Variants in CISD1 observed in about 807,000 individuals in gnomAD.
CISD1 encodes CDGSH iron-sulfur domain-containing protein 1.
Under a neutral mutation model 12.0 loss-of-function variants are expected in CISD1, and 8 were observed. The ratio of observed to expected loss-of-function variants is 0.67; its 90% CI spans 0.39 to 1.20. The LOEUF is 1.20. Ranked by LOEUF, CISD1 falls within the 50% of genes most tolerant of loss-of-function variation. CISD1 has a pLI of 0.01. For missense variants in CISD1, 107 were observed against 132.7 expected, an observed-to-expected ratio of 0.81 and a Z score of 0.95; for synonymous variants, 38 against 42.2, an observed-to-expected ratio of 0.90 and a Z score of 0.39.
rs1410113094 is a variant in CISD1 at position 58,269,179 on chromosome 10, G to A, written c.-95G>A. The stretch of plus-strand genomic sequence containing the variant: ...TGCGCGGTAGCATCGCGGAGTCGGT[G>A]CTTTAGTACGCCGCTGGCACCTTTA... On this transcript the variant is annotated 5_prime_UTR_variant, in exon 1 of 3. Coordinates refer to ENST00000333926, the MANE Select transcript of CISD1 (RefSeq NM_018464.5). The A allele has an allele frequency of 3.7e-6, 5 of 1,355,544 alleles. No homozygotes were observed. The highest frequency in any genetic ancestry group is 2.3e-5 in the East Asian group (1 of 43,420). 84.0% of individuals were successfully genotyped at this position (1,355,544 alleles called of 1,614,324 possible). A position where few individuals can be genotyped will look rare whatever the true frequency, so the allele number is the denominator to read the frequency against.
At chr10:58,278,723 A>T (rs1839342480) in intron 2 of CISD1, among the ~76,000 whole-genome samples, 2 of 152,204 alleles carry the variant, frequency 1.3e-5, no homozygotes, top group South Asian at 4.1e-4. Context: ...CAGGTTGAGC[A>T]TCTCTAATCC....
Position 58,277,302 on chromosome 10 carries a change from CGTT to C in CISD1, c.222_224del (p.Cys74del). The C allele has an allele frequency of 6.3e-7, 1 of 1,589,038 alleles. No homozygotes were observed. Among genetic ancestry groups the C allele is most frequent in the Admixed American group, 1.8e-5 (1 of 54,922 alleles). On this transcript the variant is annotated inframe_deletion, in exon 2 of 3. Coordinates refer to ENST00000333926, the MANE Select transcript of CISD1 (RefSeq NM_018464.5). Reference sequence around the variant, plus strand: ...TTTGGGAGATAAAGCTGTGTACTGCCGTTGTTGGAGGTCCAAAAAGGTGAGGAA... The same window carrying C: ...TTTGGGAGATAAAGCTGTGTACTGCCGTTGGAGGTCCAAAAAGGTGAGGAA...
At chr10:58,271,550 T>G in intron 1 of CISD1, among the ~76,000 whole-genome samples, 1 of 152,204 alleles carries the variant, frequency 6.6e-6, no homozygotes, top group South Asian at 2.1e-4. Flanking sequence ...TAAACCAAGT[T>G]TATTCCTACA....
intron 2 of CISD1, among the ~76,000 whole-genome samples, chr10:58,278,269 G>A (rs1839337530): frequency 6.6e-6 from 1 of 152,172 alleles, no homozygotes; most frequent in South Asian, 2.1e-4. Context: ...AGGGCGTGGT[G>A]TCTCACACCT....
At chr10:58,282,974 G>A (rs1180148508) in intron 2 of CISD1, 1 of 152,166 alleles carries the variant, frequency 6.6e-6, no homozygotes, top group Non-Finnish European at 1.5e-5. Context: ...AAAGAATACA[G>A]ACTAAGAAGA....
chr10:58,274,470 T>C (rs1191650262), intron 1 of CISD1, among the ~76,000 whole-genome samples: 1 of 146,508 alleles, frequency 6.8e-6, no homozygotes, highest in Non-Finnish European at 1.5e-5. Flanking sequence ...TTTTTTTACT[T>C]CTGGGAACTG....
rs751391223 is a variant in CISD1, at chr10:58,277,106, C to T, written c.32-11C>T. The T allele has an allele frequency of 1.3e-6, 2 of 1,561,306 alleles. No homozygotes were observed. The highest frequency in any genetic ancestry group is 1.7e-6 in the Non-Finnish European group (2 of 1,152,214). On this transcript the variant is annotated splice_polypyrimidine_tract_variant and intron_variant, in intron 1 of 2. Transcript: ENST00000333926. The stretch of plus-strand genomic sequence containing the variant: ...GTTTTGATAATTATTTGTTTTCCTT[C>T]CCTGCTCTAGTTGAATGGATCGCAG...
chr10:58,271,573 A>G (rs938081025), intron 1 of CISD1, among the ~76,000 whole-genome samples: 1 of 152,222 alleles, frequency 6.6e-6, no homozygotes. Flanking sequence ...TTGAAAATCA[A>G]TTTAGATCTT....
chr10:58,270,268 C>A (rs945972973), intron 1 of CISD1, among the ~76,000 whole-genome samples: 1 of 152,142 alleles, frequency 6.6e-6, no homozygotes, highest in Admixed American at 6.5e-5. Context: ...TTGGAGAGTT[C>A]CACTTCTGTT....
chr10:58,274,936 G>A (rs549306865), intron 1 of CISD1, among the ~76,000 whole-genome samples: 21 of 152,260 alleles, frequency 1.4e-4, no homozygotes, highest in Non-Finnish European at 2.9e-4. Context: ...GTTTCATGTA[G>A]AAATTCCTAT....
intron 1 of CISD1, among the ~76,000 whole-genome samples, chr10:58,273,930 T>A (rs1360723777): frequency 2.0e-5 from 3 of 152,068 alleles, no homozygotes; most frequent in Admixed American, 2.0e-4. Context: ...GGTCAGGAGT[T>A]CAAGACCGGC....
rs1010212541 is a variant in CISD1, at chr10:58,288,723, A to G, written c.*1073A>G. 4 of 152,284 alleles carry G rather than the reference A, an allele frequency of 2.6e-5. No individual in the cohort carries two copies. The highest frequency in any genetic ancestry group is 4.4e-5 in the Non-Finnish European group (3 of 67,988). 9.4% of individuals were successfully genotyped at this position (152,284 alleles called of 1,614,324 possible). ...AAAATAATTAGCAATAAAAGATTTA[A>G]GACAAATAGTTCATAAATATTTTTA... On this transcript the variant is annotated 3_prime_UTR_variant, in exon 3 of 3. Coordinates refer to ENST00000333926, the MANE Select transcript of CISD1 (RefSeq NM_018464.5).
At chr10:58,281,570 G>T (rs1003379460) in intron 2 of CISD1, among the ~76,000 whole-genome samples, 1 of 152,138 alleles carries the variant, frequency 6.6e-6, no homozygotes, top group African/African-American at 2.4e-5. Flanking sequence ...TGGTTCTAAG[G>T]TTATCACACA....
rs1839451644 is a variant in CISD1 at position 58,288,240 on chromosome 10, A to T, written c.*590A>T. On this transcript the variant is annotated 3_prime_UTR_variant, in exon 3 of 3. Coordinates refer to ENST00000333926, the MANE Select transcript of CISD1 (RefSeq NM_018464.5). ...TAATTTCATAAGTCAGGTCAATAAT[A>T]AAGGGGTGGTAACTTCCTCATATTT... 2 of 152,460 alleles carry T rather than the reference A, an allele frequency of 1.3e-5. No homozygotes were observed. The highest frequency in any genetic ancestry group is 3.4e-3 in the Middle Eastern group (1 of 294). The allele number at this position is 152,460 out of a possible 1,614,324, so 9.4% of individuals were successfully genotyped here.
At chr10:58,286,751 A>C (rs1289105257) in intron 2 of CISD1, among the ~76,000 whole-genome samples, 2 of 152,198 alleles carry the variant, frequency 1.3e-5, no homozygotes, top group East Asian at 1.9e-4. Context: ...TGAATTCATG[A>C]AAATGAATGG....
intron 1 of CISD1, among the ~76,000 whole-genome samples, chr10:58,272,698 C>T (rs1839262800): frequency 6.6e-6 from 1 of 152,206 alleles, no homozygotes; most frequent in East Asian, 1.9e-4. Flanking sequence ...GCGGGCAGAT[C>T]ATGAGGTCAG....
intron 1 of CISD1, among the ~76,000 whole-genome samples, chr10:58,270,387 T>G (rs2132275145): frequency 6.6e-6 from 1 of 152,316 alleles, no homozygotes; most frequent in South Asian, 2.1e-4. Flanking sequence ...ATCTTGAGAC[T>G]TTTTTTAATA....
intron 1 of CISD1, among the ~76,000 whole-genome samples, chr10:58,270,628 G>A (rs980982409): frequency 6.6e-6 from 1 of 152,158 alleles, no homozygotes; most frequent in Non-Finnish European, 1.5e-5. Context: ...CTCTATTTAG[G>A]TTGCATATTA....
intron 1 of CISD1, among the ~76,000 whole-genome samples, chr10:58,270,011 G>A (rs1241180836): frequency 2.0e-5 from 3 of 152,112 alleles, no homozygotes; most frequent in Admixed American, 6.5e-5. Context: ...TTAATGTGGA[G>A]TTTCACTTTA....
Sources: gnomAD v4.1 joint callset for allele counts (sites outside exome capture counted in the v4.1 genomes callset) on GRCh38, gnomAD v4.1.1 for gene constraint, MANE v1.5 for transcripts, NCBI Gene and HGNC (gene_info 2026-07-23, HGNC 2026-07-21) for gene names.